Variants in RNASEH1 observed in about 807,000 individuals in gnomAD.
The protein encoded by RNASEH1 is ribonuclease H type II.
Under a neutral mutation model 34.6 loss-of-function variants are expected in RNASEH1, and 27 were observed. That is an observed-to-expected ratio of 0.78 (90% CI 0.58 to 1.08). The LOEUF is 1.08. RNASEH1 is among the 50% of genes least tolerant of loss of function. The pLI, the probability that RNASEH1 is intolerant of heterozygous loss-of-function variation, is 0.00. For missense variants in RNASEH1, 349 were observed against 373.6 expected, an observed-to-expected ratio of 0.93 and a Z score of 0.54; for synonymous variants, 162 against 138.4, an observed-to-expected ratio of 1.17 and a Z score of -1.20.
intron 1 of RNASEH1, chr2:3,557,788 G>A: frequency 1.9e-6 from 2 of 1,028,540 alleles, no homozygotes; most frequent in Non-Finnish European, 2.7e-6. Context: ...GGTACGGAAA[G>A]TCTTCTGGTA....
chr2:3,549,838 C>A (rs990027656), intron 4 of RNASEH1, among the ~76,000 whole-genome samples: 1 of 151,350 alleles, frequency 6.6e-6, no homozygotes, highest in Non-Finnish European at 1.5e-5. Flanking sequence ...CCCAGCTACT[C>A]GGGAGGGTGA....
At chr2:3,534,479 C>T in the RNASEH1 span, among the ~76,000 whole-genome samples, 26,705 of 152,210 alleles carry the variant, frequency 0.18, 2,493 homozygotes, top group Admixed American at 0.25. Context: ...GTGGTGGGAA[C>T]GGTTGAGCTG....
Position 3,548,815 on chromosome 2 carries a change from C to T in RNASEH1, c.565-91G>A, listed in dbSNP as rs996054110. 58 of 883,402 alleles carry T rather than the reference C, an allele frequency of 6.6e-5. No individual in the cohort carries two copies. The Admixed American group carries it at 7.8e-4, about 12-fold the overall frequency. 54.7% of individuals were successfully genotyped at this position (883,402 alleles called of 1,614,324 possible). On this transcript the variant is annotated intron_variant, in intron 5 of 7. Coordinates refer to ENST00000315212, the MANE Select transcript of RNASEH1 (RefSeq NM_002936.6). ...AAGTACTTCGAAATTGAAACATCCC[C>T]TCTGTACTGATTATATTCTCTGTAT... is the stretch of plus-strand genomic sequence containing the variant.
the RNASEH1 span, among the ~76,000 whole-genome samples, chr2:3,535,880 T>G: frequency 3.3e-5 from 5 of 152,120 alleles, no homozygotes; most frequent in Non-Finnish European, 5.9e-5. Context: ...TTAGGGCTGA[T>G]CAGACTAGAG....
In RNASEH1 at chr2:3,543,392, T is replaced by C. The variant is rs1444561227; in HGVS notation, c.*2393A>G. On this transcript the variant is annotated 3_prime_UTR_variant, in exon 8 of 8. Transcript: ENST00000315212. ...AGACAGGTTTGGAGCAGAAGCTCTATAAATTGGGCCTAGAGCATCTTGACA... is the reference window on the plus strand; with the variant it reads ...AGACAGGTTTGGAGCAGAAGCTCTACAAATTGGGCCTAGAGCATCTTGACA... Among the ~76,000 whole-genome samples the C allele has an allele frequency of 6.6e-6, 1 of 152,186 alleles. No homozygotes were observed. The highest frequency in any genetic ancestry group is 6.5e-5 in the Admixed American group (1 of 15,278).
the RNASEH1 span, chr2:3,532,293 C>A: frequency 1.4e-6 from 1 of 702,334 alleles, no homozygotes; most frequent in South Asian, 1.5e-5. Context: ...AACAGTAGAT[C>A]AGCAGTTTAT....
intron 4 of RNASEH1, 138 bp downstream of exon 4, chr2:3,550,235 A>G: frequency 1.3e-6 from 1 of 756,384 alleles, no homozygotes; most frequent in South Asian, 1.5e-5. Flanking sequence ...AACACGAACC[A>G]AAGCTGCTCC....
chr2:3,555,761 C>T (rs571423461), intron 2 of RNASEH1, among the ~76,000 whole-genome samples: 2 of 152,184 alleles, frequency 1.3e-5, no homozygotes, highest in African/African-American at 2.4e-5. Flanking sequence ...GCTCTAAAGT[C>T]GTCACCCTGC....
At chr2:3,547,810 ATGATATT>A (rs1668901642) in intron 7 of RNASEH1, 114 bp downstream of exon 7, 1 of 991,852 alleles carries the variant, frequency 1.0e-6, no homozygotes, top group South Asian at 1.5e-5. Flanking sequence ...AATATACATT[ATGATATT>A]AATATCATGG....
chr2:3,555,290 C>T (rs1489742620), intron 2 of RNASEH1, among the ~76,000 whole-genome samples: 2 of 152,180 alleles, frequency 1.3e-5, no homozygotes, highest in Non-Finnish European at 2.9e-5. Context: ...TCTTGACTTG[C>T]TGGCTCTCGG....
chr2:3,532,199 C>G, the RNASEH1 span: 1 of 697,798 alleles, frequency 1.4e-6, no homozygotes, highest in African/African-American at 1.7e-5. Flanking sequence ...GTGTCAGCAC[C>G]TGGTCGCAGC....
At chr2:3,547,787 T>C in intron 7 of RNASEH1, 144 bp downstream of exon 7, 1 of 868,726 alleles carries the variant, frequency 1.2e-6, no homozygotes, top group Non-Finnish European at 1.8e-6. Flanking sequence ...ACGCCCAGCC[T>C]CAAATACGTT....
chr2:3,551,486 G>T (rs1419570804), intron 3 of RNASEH1, among the ~76,000 whole-genome samples: 2 of 150,262 alleles, frequency 1.3e-5, no homozygotes, highest in African/African-American at 2.5e-5. Context: ...AAGAATACTT[G>T]TTTGATCTTT....
rs1660681928 is a variant in RNASEH1, at chr2:3,557,915, A to G, written c.128+218T>C. 14 of 1,524,444 alleles carry G rather than the reference A, an allele frequency of 9.2e-6. No individual in the cohort carries two copies. In the South Asian group the frequency reaches 1.3e-4, roughly 14 times the overall value. 94.4% of individuals were successfully genotyped at this position (1,524,444 alleles called of 1,614,324 possible). On this transcript the variant is annotated intron_variant, in intron 1 of 7. Coordinates refer to ENST00000315212, the MANE Select transcript of RNASEH1 (RefSeq NM_002936.6). ...CTAACCTTTACGCGACGTTTCTGAT[A>G]TTTCAAACAAGTCTTCGGTGCGTTC...
the RNASEH1 span, among the ~76,000 whole-genome samples, chr2:3,534,608 G>C: frequency 1.3e-5 from 2 of 152,244 alleles, no homozygotes; most frequent in African/African-American, 2.4e-5. Context: ...CGGCCCAACC[G>C]CCGGCTGAGC....
chr2:3,551,808 T>C (rs902586226), intron 3 of RNASEH1, among the ~76,000 whole-genome samples: 6 of 152,176 alleles, frequency 3.9e-5, no homozygotes, highest in African/African-American at 1.4e-4. Context: ...GCTAATCAAT[T>C]ATAACAAGCA....
At chr2:3,551,893 G>A (rs1659955186) in intron 3 of RNASEH1, among the ~76,000 whole-genome samples, 1 of 152,158 alleles carries the variant, frequency 6.6e-6, no homozygotes, top group East Asian at 1.9e-4. Context: ...GCATGCACAG[G>A]GAATACTAGT....
rs539281289 is a variant in RNASEH1 at position 3,542,032 on chromosome 2, T to A, written c.*3753A>T. On this transcript the variant is annotated 3_prime_UTR_variant, in exon 8 of 8. Coordinates refer to ENST00000315212, the MANE Select transcript of RNASEH1 (RefSeq NM_002936.6). ...AACAAAAGTGGTACAATAACAACTT[T>A]TAAAACTCAAAAAGAAACAAAGAAA... is the stretch of plus-strand genomic sequence containing the variant. Among the ~76,000 whole-genome samples, 1 of 152,036 alleles carries A rather than the reference T, an allele frequency of 6.6e-6. No homozygotes were observed. Among genetic ancestry groups the A allele is most frequent in the Non-Finnish European group, 1.5e-5 (1 of 68,018 alleles).
Position 3,556,975 on chromosome 2 carries a change from A to G in RNASEH1, c.129-71T>C, listed in dbSNP as rs1052231111. ...ATCCCCTTTTTTATTGAGATTCTTAAGGTTGGAAATACAGTTGTCCCTTGG... is the reference window on the plus strand; with the variant it reads ...ATCCCCTTTTTTATTGAGATTCTTAGGGTTGGAAATACAGTTGTCCCTTGG... On this transcript the variant is annotated intron_variant, in intron 1 of 7. Coordinates refer to ENST00000315212, the MANE Select transcript of RNASEH1 (RefSeq NM_002936.6). 2.5e-6 allele frequency: 3 copies of G among 1,186,166 alleles called. No individual in the cohort carries two copies. The African/African-American group carries it at 4.5e-5, about 18-fold the overall frequency. The allele number at this position is 1,186,166 out of a possible 1,614,324, so 73.5% of individuals were successfully genotyped here.
Sources: allele counts gnomAD v4.1 joint callset (sites outside exome capture counted in the v4.1 genomes callset), GRCh38; gene constraint gnomAD v4.1.1; transcripts MANE v1.5; gene names NCBI Gene and HGNC (gene_info 2026-07-23, HGNC 2026-07-21).